The following RFX7 variants were observed in gnomAD, a reference collection of about 807,000 sequenced individuals.
The protein encoded by RFX7 is regulatory factor X7.
A neutral mutation model predicts 111.8 loss-of-function variants in RFX7; 26 were observed. The ratio of observed to expected loss-of-function variants is 0.23; its 90% CI spans 0.17 to 0.32. The LOEUF (loss-of-function observed/expected upper bound fraction) is 0.32. RFX7 is among the 10% of genes least tolerant of loss of function. The pLI, the probability that RFX7 is intolerant of heterozygous loss-of-function variation, is 1.00. For synonymous variants in RFX7, 624 were observed against 624.4 expected (o/e 1.00, Z 0.01); for missense variants, 1,573 against 1,772.9 (o/e 0.89, Z 2.02).
At chr15:56,206,210 A>C (rs2043249659) in intron 2 of RFX7, among the ~76,000 whole-genome samples, 1 of 151,342 alleles carries the variant, frequency 6.6e-6, no homozygotes, top group Non-Finnish European at 1.5e-5. Flanking sequence ...ATAAATGGAC[A>C]AAAAAAAATG....
At chr15:56,243,070 TTG>T in intron 2 of RFX7, 53 bp downstream of exon 2, 4 of 835,924 alleles carry the variant, frequency 4.8e-6, no homozygotes, top group Non-Finnish European at 7.2e-6. Flanking sequence ...CCCACCCACT[TTG>T]CAGCAGAAAT....
chr15:56,194,039 T>C (rs1461320152), intron 2 of RFX7, among the ~76,000 whole-genome samples: 1 of 152,118 alleles, frequency 6.6e-6, no homozygotes, highest in Non-Finnish European at 1.5e-5. Flanking sequence ...TATAATACAA[T>C]GTAAGCAATA....
intron 3 of RFX7, among the ~76,000 whole-genome samples, chr15:56,155,448 G>C (rs2042640105): frequency 6.6e-6 from 1 of 152,180 alleles, no homozygotes; most frequent in Non-Finnish European, 1.5e-5. Context: ...AAAAGGATGA[G>C]TTCATGTCCT....
rs2041602947 is a variant in RFX7, at chr15:56,092,071, A to G, written c.*1274T>C. The G allele has an allele frequency of 6.6e-6, 1 of 152,524 alleles. No individual in the cohort carries two copies. Among genetic ancestry groups the G allele is most frequent in the Non-Finnish European group, 1.5e-5 (1 of 67,962 alleles). The allele number at this position is 152,524 out of a possible 1,614,324, so 9.4% of individuals were successfully genotyped here. ...GTTTGTGTCAACATGCAACTCATAA[A>G]TAATTATTCACAAAACAAAATGGGA... On this transcript the variant is annotated 3_prime_UTR_variant, in exon 10 of 10. Coordinates refer to ENST00000559447, the MANE Select transcript of RFX7 (RefSeq NM_022841.7).
chr15:56,096,100 G>A lies in RFX7; in HGVS notation c.1628C>T (p.Thr543Ile), dbSNP rs202048055. 7.3e-5 allele frequency: 117 copies of A among 1,613,576 alleles called. No homozygotes were observed. Among genetic ancestry groups the A allele is most frequent in the Non-Finnish European group, 9.2e-5 (109 of 1,179,806 alleles). ...CTGTACAGGATGCTCATCTGATGAT[G>A]TTTCGGGTTCCACTTTGACTTCCAC... ...SAVEVKVEPE[T>I]SSDEHPVQCQ... Residue 543 changes from threonine to isoleucine, a missense_variant, in exon 10 of 10, where the codon ACA becomes ATA. Physicochemically the swap from Thr to Ile is moderately conservative, Grantham distance 89. Around this residue, in one of 7 missense-constraint regions of RFX7, gnomAD observed 625 missense variants for 632.2 expected, o/e 0.99. Coordinates refer to ENST00000559447, the MANE Select transcript of RFX7 (RefSeq NM_022841.7).
intron 5 of RFX7, among the ~76,000 whole-genome samples, chr15:56,117,529 G>A (rs1014129988): frequency 3.3e-5 from 5 of 152,114 alleles, no homozygotes; most frequent in African/African-American, 1.2e-4. Flanking sequence ...CTACTTGAAA[G>A]TATACACTAC....
chr15:56,136,490 T>G (rs2042304794), intron 5 of RFX7, among the ~76,000 whole-genome samples: 1 of 134,944 alleles, frequency 7.4e-6, no homozygotes, highest in African/African-American at 2.8e-5. Context: ...TTGCTGAAGT[T>G]GCTTATCAGC....
intron 3 of RFX7, among the ~76,000 whole-genome samples, chr15:56,147,016 CTTGA>C (rs1189359314): frequency 6.6e-6 from 1 of 152,142 alleles, no homozygotes; most frequent in Non-Finnish European, 1.5e-5. Context: ...CCTAACCTTG[CTTGA>C]TTGTCAAGGC....
At position 56,094,586 on chromosome 15, in the gene RFX7, G is replaced by C. The variant is rs766416598; in HGVS notation, c.3142C>G (p.Pro1048Ala). ...TGTGTGGCCATGGGTCTTTGCATCG[G>C]TTTCACAGGACTACTTGAGACAATG... ...ASIVSSSPVKPMQRPMATHPD... is the reference protein window; with the variant it reads ...ASIVSSSPVKAMQRPMATHPD... Residue 1048 changes from proline to alanine, a missense_variant, in exon 10 of 10, where the codon CCG becomes GCG. By Grantham distance (27) the Pro-to-Ala change is conservative. Transcript: ENST00000559447. 6.2e-7 allele frequency: 1 copy of C among 1,613,902 alleles called. No homozygotes were observed. Among genetic ancestry groups the C allele is most frequent in the Admixed American group, 1.7e-5 (1 of 60,002 alleles).
intron 2 of RFX7, among the ~76,000 whole-genome samples, chr15:56,201,555 G>T (rs1369841420): frequency 2.0e-5 from 3 of 152,140 alleles, no homozygotes; most frequent in African/African-American, 7.2e-5. Context: ...AAAGATAGAA[G>T]AGTTATTAGT....
intron 2 of RFX7, among the ~76,000 whole-genome samples, chr15:56,193,596 T>C (rs2043120190): frequency 6.6e-6 from 1 of 152,210 alleles, no homozygotes; most frequent in Admixed American, 6.5e-5. Context: ...TTCAGTACCA[T>C]AATTGTGCTG....
intron 6 of RFX7, among the ~76,000 whole-genome samples, chr15:56,103,315 T>C (rs1227132800): frequency 2.6e-5 from 4 of 152,146 alleles, no homozygotes; most frequent in Admixed American, 6.6e-5. Flanking sequence ...TTTACATTGA[T>C]AGACTAAGGT....
intron 3 of RFX7, among the ~76,000 whole-genome samples, chr15:56,167,501 T>G (rs2042797060): frequency 6.6e-6 from 1 of 152,160 alleles, no homozygotes; most frequent in Admixed American, 6.5e-5. Context: ...ACTAGTAAAC[T>G]AATTATGAAA....
At chr15:56,176,069 C>T (rs1476543541) in intron 3 of RFX7, among the ~76,000 whole-genome samples, 4 of 152,146 alleles carry the variant, frequency 2.6e-5, no homozygotes, top group African/African-American at 9.6e-5. Context: ...TGTGTTTAAA[C>T]ACGCAAAGAA....
chr15:56,114,845 T>A (rs745732480), intron 5 of RFX7, among the ~76,000 whole-genome samples: 3 of 152,126 alleles, frequency 2.0e-5, no homozygotes, highest in Non-Finnish European at 4.4e-5. Flanking sequence ...CTGAAGTTTA[T>A]AAATTGCTAA....
chr15:56,157,333 A>G (rs1458875265), intron 3 of RFX7, among the ~76,000 whole-genome samples: 3 of 152,058 alleles, frequency 2.0e-5, no homozygotes, highest in African/African-American at 7.2e-5. Context: ...TTAAAGTTTA[A>G]AAATTTTGTT....
Position 56,095,408 on chromosome 15 carries a change from C to A in RFX7, c.2320G>T (p.Val774Phe). 5 of 1,613,352 alleles carry A rather than the reference C, an allele frequency of 3.1e-6. No homozygotes were observed. The highest frequency in any genetic ancestry group is 4.2e-6 in the Non-Finnish European group (5 of 1,179,880). Residue 774 changes from valine to phenylalanine, a missense_variant, in exon 10 of 10, where the codon GTT (valine) becomes TTT (phenylalanine). Physicochemically the swap from Val to Phe is conservative, Grantham distance 50. This residue lies in a region of RFX7 where 625 missense variants were observed against 632.2 expected (regional missense o/e 0.99). Coordinates refer to ENST00000559447, the MANE Select transcript of RFX7 (RefSeq NM_022841.7). ...CATCCATTTGGATTAAAGCTGCCAA[C>A]TGACTTTGAATCACTGTCCAAGAGA... ...VFLLDSDSKS[V>F]GSFNPNGWQQ...
chr15:56,192,838 G>A (rs1013531602), intron 2 of RFX7: 3 of 223,894 alleles, frequency 1.3e-5, no homozygotes, highest in African/African-American at 6.9e-5. Context: ...CTTGTAATTT[G>A]CAAAGAGGAA....
intron 2 of RFX7, among the ~76,000 whole-genome samples, chr15:56,239,231 T>C (rs2682046): frequency 0.3 from 45,586 of 152,040 alleles, 7,780 homozygotes; most frequent in East Asian, 0.4. Flanking sequence ...TTCATTTATG[T>C]TTCATATACA....
Sources: allele counts gnomAD v4.1 joint callset (sites outside exome capture counted in the v4.1 genomes callset), GRCh38; gene constraint gnomAD v4.1.1; regional missense constraint gnomAD v4.1.1; transcripts MANE v1.5; gene names NCBI Gene and HGNC (gene_info 2026-07-23, HGNC 2026-07-21).